The following SPOCK3 variants were observed in gnomAD, a reference collection of about 807,000 sequenced individuals.
The protein encoded by SPOCK3 is SPARC (osteonectin), cwcv and kazal like domains proteoglycan 3, also known as testican-3.
In SPOCK3, 30 loss-of-function variants were observed where a neutral mutation model predicts 56.6. The observed-to-expected ratio is 0.53, with a 90% CI of 0.40 to 0.72. The LOEUF (loss-of-function observed/expected upper bound fraction) is 0.72. Among genes scored for constraint, SPOCK3 ranks in the 30% least tolerant of loss-of-function variants. SPOCK3 has a pLI of 0.00. For missense variants in SPOCK3, 527 were observed against 530.0 expected (o/e 0.99, Z 0.06); for synonymous variants, 196 against 183.3 (o/e 1.07, Z -0.56).
chr4:167,191,955 C>T lies in SPOCK3; in HGVS notation c.189+42030G>A, dbSNP rs1246036467. 1.4e-5 allele frequency among the ~76,000 whole-genome samples: 2 copies of T among 145,242 alleles called. 1 individual carries two copies. Among genetic ancestry groups the T allele is most frequent in the African/African-American group, 5.3e-5 (2 of 38,050 alleles). On this transcript the variant is annotated intron_variant, in intron 2 of 10. Coordinates refer to ENST00000357545, the MANE Select transcript of SPOCK3 (RefSeq NM_001040159.2). The stretch of plus-strand genomic sequence containing the variant: ...TTCATTAAGTTGAAGTACATTCCTT[C>T]TTTACCTAATTTTTTTGCGAGTTTT...
intron 8 of SPOCK3, 69 bp from the exon 9 acceptor site, chr4:166,742,128 T>A: frequency 8.6e-7 from 1 of 1,161,666 alleles, no homozygotes; most frequent in Non-Finnish European, 1.3e-6. Flanking sequence ...TTCTATGTTA[T>A]CAAACTTCAC....
At chr4:166,904,337 CATTA>C (rs1251708060) in intron 5 of SPOCK3, among the ~76,000 whole-genome samples, 11 of 151,952 alleles carry the variant, frequency 7.2e-5, no homozygotes, top group Admixed American at 3.3e-4. Context: ...TTCATTAATA[CATTA>C]ATTTAGAATA....
At chr4:167,132,720 C>T (rs1298619780) in intron 2 of SPOCK3, among the ~76,000 whole-genome samples, 1 of 152,110 alleles carries the variant, frequency 6.6e-6, no homozygotes, top group Non-Finnish European at 1.5e-5. Flanking sequence ...TCTCTCTTAG[C>T]TTCGGATAGC....
intron 4 of SPOCK3, among the ~76,000 whole-genome samples, chr4:166,980,179 T>C (rs568114360): frequency 2.6e-5 from 4 of 152,246 alleles, no homozygotes; most frequent in Non-Finnish European, 5.9e-5. Context: ...TATATGTCTA[T>C]TCTTCACTTA....
At chr4:166,953,097 A>G (rs979227421) in intron 4 of SPOCK3, among the ~76,000 whole-genome samples, 3 of 151,864 alleles carry the variant, frequency 2.0e-5, no homozygotes, top group African/African-American at 7.3e-5. Flanking sequence ...ATCTAATTAA[A>G]CTAAAGAGCT....
At chr4:166,934,941 GA>G (rs1740228049) in intron 4 of SPOCK3, among the ~76,000 whole-genome samples, 1 of 151,938 alleles carries the variant, frequency 6.6e-6, no homozygotes, top group South Asian at 2.1e-4. Flanking sequence ...TGAAGGAGGT[GA>G]AGGAAGAATC....
intron 3 of SPOCK3, among the ~76,000 whole-genome samples, chr4:167,048,231 T>C (rs1455989769): frequency 6.6e-6 from 1 of 151,866 alleles, no homozygotes; most frequent in African/African-American, 2.4e-5. Context: ...GAAGTAAACA[T>C]GTTCAACTCA....
chr4:166,744,442 C>T (rs188666669), intron 8 of SPOCK3, among the ~76,000 whole-genome samples: 255 of 151,892 alleles, frequency 1.7e-3, no homozygotes, highest in African/African-American at 5.3e-3. Context: ...GCAGTAACAT[C>T]GACAAAAAGG....
At chr4:166,890,004 G>A (rs1454711667) in intron 5 of SPOCK3, among the ~76,000 whole-genome samples, 1 of 151,904 alleles carries the variant, frequency 6.6e-6, no homozygotes, top group Non-Finnish European at 1.5e-5. Flanking sequence ...ATCCTCGTGT[G>A]CAAATGGTTT....
At chr4:167,123,578 T>C (rs866225518) in intron 2 of SPOCK3, among the ~76,000 whole-genome samples, 13 of 152,086 alleles carry the variant, frequency 8.5e-5, no homozygotes, top group African/African-American at 3.1e-4. Context: ...GTTCCATGGT[T>C]CTAGGTTTGA....
Position 167,146,949 on chromosome 4 carries a change from A to G in SPOCK3, c.190-84412T>C, listed in dbSNP as rs1036191585. ...TTTAAAAGCTAGCAGAAGACAAGAAATAACTAAGATCAGACCGGAACTAAA... is the reference window on the plus strand; with the variant it reads ...TTTAAAAGCTAGCAGAAGACAAGAAGTAACTAAGATCAGACCGGAACTAAA... On this transcript the variant is annotated intron_variant, in intron 2 of 10. Transcript: ENST00000357545. Among the ~76,000 whole-genome samples, 15 of 152,242 alleles carry G rather than the reference A, an allele frequency of 9.9e-5. No individual in the cohort carries two copies. In the Middle Eastern group the frequency reaches 0.01, roughly 104 times the overall value.
intron 9 of SPOCK3, among the ~76,000 whole-genome samples, chr4:166,739,364 C>G (rs1210666870): frequency 6.6e-6 from 1 of 152,076 alleles, no homozygotes; most frequent in Admixed American, 6.6e-5. Flanking sequence ...CCTCAGCCTC[C>G]TGAGTGGCTG....
At chr4:167,200,378 T>C (rs761230943) in intron 2 of SPOCK3, among the ~76,000 whole-genome samples, 10 of 152,042 alleles carry the variant, frequency 6.6e-5, no homozygotes, top group Non-Finnish European at 1.0e-4. Flanking sequence ...CTTTATGTTG[T>C]TTAAGGATGG....
intron 3 of SPOCK3, among the ~76,000 whole-genome samples, chr4:167,039,420 C>A (rs1418912077): frequency 6.6e-6 from 1 of 152,130 alleles, no homozygotes; most frequent in African/African-American, 2.4e-5. Flanking sequence ...GTGACAATAA[C>A]ACTTAAAATC....
At chr4:166,746,450 G>A (rs13125751) in intron 8 of SPOCK3, among the ~76,000 whole-genome samples, 120,148 of 152,060 alleles carry the variant, frequency 0.79, 47,719 homozygotes, top group South Asian at 0.82. Flanking sequence ...AACAAAGACA[G>A]AACATACCAG....
chr4:167,119,087 A>T (rs1761655861), intron 2 of SPOCK3, among the ~76,000 whole-genome samples: 1 of 142,532 alleles, frequency 7.0e-6, no homozygotes, highest in Non-Finnish European at 1.5e-5. Context: ...CAGCTGTAAT[A>T]TACAAAAGCT....
intron 2 of SPOCK3, among the ~76,000 whole-genome samples, chr4:167,201,177 A>G (rs1379313324): frequency 6.6e-6 from 1 of 152,036 alleles, no homozygotes; most frequent in Non-Finnish European, 1.5e-5. Flanking sequence ...GCATTCCTTT[A>G]AGAATTAGGT....
At chr4:167,102,595 G>C (rs952417917) in intron 2 of SPOCK3, 3 of 152,258 alleles carry the variant, frequency 2.0e-5, no homozygotes, top group African/African-American at 7.2e-5. Context: ...GTGGAACCCA[G>C]TGCTGCTGAA....
intron 6 of SPOCK3, among the ~76,000 whole-genome samples, chr4:166,852,173 G>A (rs1730192533): frequency 6.6e-6 from 1 of 152,098 alleles, no homozygotes; most frequent in African/African-American, 2.4e-5. Context: ...GGGAGCGATA[G>A]CATTGGGAGA....
Sources: allele counts gnomAD v4.1 joint callset (sites outside exome capture counted in the v4.1 genomes callset), GRCh38; gene constraint gnomAD v4.1.1; transcripts MANE v1.5; gene names NCBI Gene and HGNC (gene_info 2026-07-23, HGNC 2026-07-21).